Variants in POLR1A observed in about 807,000 individuals in gnomAD.
POLR1A encodes RNA polymerase I subunit A, also known as DNA-directed RNA polymerase I subunit RPA1.
A neutral mutation model predicts 205.3 loss-of-function variants in POLR1A; 84 were observed. The ratio of observed to expected loss-of-function variants is 0.41; its 90% CI spans 0.34 to 0.49. POLR1A has a LOEUF of 0.49. Ranked by LOEUF, POLR1A falls within the 20% of genes least tolerant of loss-of-function variation. The pLI is 0.22. For missense variants in POLR1A, 1,645 were observed against 2,204.5 expected (o/e 0.75, Z 5.08); for synonymous variants, 799 against 863.7 (o/e 0.93, Z 1.31).
chr2:86,100,383 T>C (rs562670697), intron 1 of POLR1A, among the ~76,000 whole-genome samples: 2 of 152,270 alleles, frequency 1.3e-5, no homozygotes, highest in East Asian at 3.9e-4. Context: ...AATGAATAAG[T>C]CATAAAATAC....
At chr2:86,045,479 TCTC>T (rs1309954730) in intron 20 of POLR1A, 119 bp from the exon 21 acceptor site, 16 of 1,257,246 alleles carry the variant, frequency 1.3e-5, no homozygotes, top group Non-Finnish European at 1.7e-5. Flanking sequence ...CCTTCCCTGA[TCTC>T]CTAGGACTTT....
chr2:86,033,549 A>G lies in POLR1A; in HGVS notation c.4161+112T>C. On this transcript the variant is annotated intron_variant, in intron 28 of 33. Transcript: ENST00000263857. ...GCAGGTAAAAGCTGAGATAGGTAGG[A>G]GATGGGCCAGCACCAGGATGGGGCT... The G allele has an allele frequency of 3.3e-6, 4 of 1,194,696 alleles. No individual in the cohort carries two copies. In the East Asian group the frequency reaches 9.7e-5, roughly 29 times the overall value. 74.0% of individuals were successfully genotyped at this position (1,194,696 alleles called of 1,614,324 possible).
chr2:86,068,391 G>GGGGC (rs1673121120), intron 13 of POLR1A, among the ~76,000 whole-genome samples: 2 of 116,386 alleles, frequency 1.7e-5, no homozygotes, highest in African/African-American at 6.6e-5. Flanking sequence ...ATGGGCGGGG[G>GGGGC]GGGGGGGCGG....
At chr2:86,033,610 GTCTGGGGGCTGTCCCTGT>G in intron 28 of POLR1A, 33 bp downstream of exon 28, 1 of 1,595,848 alleles carries the variant, frequency 6.3e-7, no homozygotes, top group Non-Finnish European at 8.6e-7. Flanking sequence ...AGCCTGCCCA[GTCTGGGGGCTGTCCCTGT>G]GCAACTCTAG....
intron 9 of POLR1A, among the ~76,000 whole-genome samples, chr2:86,079,230 C>T (rs891042392): frequency 6.6e-6 from 1 of 152,222 alleles, no homozygotes; most frequent in African/African-American, 2.4e-5. Flanking sequence ...ACATAAAACA[C>T]TCAGGGTCCC....
At chr2:86,064,447 AT>A in intron 14 of POLR1A, among the ~76,000 whole-genome samples, 1 of 152,292 alleles carries the variant, frequency 6.6e-6, no homozygotes, top group Non-Finnish European at 1.5e-5. Context: ...ATATCATGTA[AT>A]TTGGTTACTT....
rs1172297554 is a variant in POLR1A, at chr2:86,039,375, C to T, written c.3828G>A (p.Lys1276=). The T allele has an allele frequency of 1.2e-6, 2 of 1,614,184 alleles. No individual in the cohort carries two copies. The highest frequency in any genetic ancestry group is 8.5e-7 in the Non-Finnish European group (1 of 1,180,028). ...VPVLNTKKAL[K]RVKSLKKQLT... ...GTTGCTTCTTCAGGCTTTTCACTCT[C>T]TTCAGGGCTTTCTTGGTGTTGAGCA... Residue 1276 remains lysine (K), a synonymous_variant, in exon 26 of 34, where the codon AAG becomes AAA. Transcript: ENST00000263857.
chr2:86,104,260 A>T (rs894166839), intron 1 of POLR1A, among the ~76,000 whole-genome samples: 1 of 152,106 alleles, frequency 6.6e-6, no homozygotes, highest in African/African-American at 2.4e-5. Flanking sequence ...ACACAGTAGC[A>T]ATTGGGAGAA....
intron 33 of POLR1A, 102 bp from the exon 34 acceptor site, chr2:86,027,625 G>C: frequency 9.5e-7 from 1 of 1,052,230 alleles, no homozygotes; most frequent in Admixed American, 1.8e-5. Flanking sequence ...GACTCAGGTG[G>C]GTCCTGAGTC....
chr2:86,097,290 T>TG (rs1432403281), intron 3 of POLR1A, among the ~76,000 whole-genome samples: 1 of 143,426 alleles, frequency 7.0e-6, no homozygotes, highest in African/African-American at 2.5e-5. Context: ...TATACACTGT[T>TG]GGTGGGAATG....
At chr2:86,074,806 A>C (rs1307689361) in intron 12 of POLR1A, among the ~76,000 whole-genome samples, 2 of 152,172 alleles carry the variant, frequency 1.3e-5, no homozygotes, top group African/African-American at 4.8e-5. Context: ...GCTGCTGCTG[A>C]TGCTGGTCTG....
intron 6 of POLR1A, among the ~76,000 whole-genome samples, chr2:86,085,252 TG>T (rs768706651): frequency 6.0e-4 from 92 of 152,308 alleles, no homozygotes; most frequent in Non-Finnish European, 9.9e-4. Context: ...TAAGCCACCG[TG>T]CCCGGCCCAT....
chr2:86,040,772 G>A (rs1308640184), intron 24 of POLR1A, among the ~76,000 whole-genome samples: 1 of 152,140 alleles, frequency 6.6e-6, no homozygotes, highest in African/African-American at 2.4e-5. Flanking sequence ...CAGCTGGGTG[G>A]CTGAAGCTCT....
At position 86,041,955 on chromosome 2, in the gene POLR1A, T is replaced by A; in HGVS notation, c.3506A>T (p.Asp1169Val). 2 of 1,614,210 alleles carry A rather than the reference T, an allele frequency of 1.2e-6. No individual in the cohort carries two copies. The highest frequency in any genetic ancestry group is 3.3e-5 in the Admixed American group (2 of 60,028). ...TTGAGCTGCCCACTCTTGACTGTAGTCATCAACCTTTGTTTCAAATGTTTC... is the reference window on the plus strand; with the variant it reads ...TTGAGCTGCCCACTCTTGACTGTAGACATCAACCTTTGTTTCAAATGTTTC... Reference protein sequence around the residue: ...VSETFETKVDDYSQEWAAQTE... With the variant: ...VSETFETKVDVYSQEWAAQTE... Residue 1169 changes from aspartate (D) to valine (V), a missense_variant, in exon 24 of 34, where the codon GAC becomes GTC. Transcript: ENST00000263857.
chr2:86,100,659 G>A (rs775323701), intron 1 of POLR1A, among the ~76,000 whole-genome samples: 8 of 151,332 alleles, frequency 5.3e-5, no homozygotes, highest in Non-Finnish European at 8.8e-5. Context: ...TCAGCCTCCC[G>A]AGTAGCTGGG....
intron 24 of POLR1A, 56 bp downstream of exon 24, chr2:86,041,833 A>T: frequency 6.9e-7 from 1 of 1,454,408 alleles, no homozygotes; most frequent in African/African-American, 1.4e-5. Flanking sequence ...GCTAGGAGGC[A>T]GGGGCTAGGA....
At chr2:86,100,219 C>G (rs1466776203) in intron 1 of POLR1A, 47 bp from the exon 2 acceptor site, 1 of 1,410,226 alleles carries the variant, frequency 7.1e-7, no homozygotes, top group African/African-American at 1.4e-5. Context: ...TTACCAACCT[C>G]TCTGATGTTT....
At chr2:86,086,144 C>G (rs1024598928) in intron 6 of POLR1A, among the ~76,000 whole-genome samples, 6 of 152,096 alleles carry the variant, frequency 3.9e-5, no homozygotes, top group African/African-American at 1.4e-4. Context: ...CTGCAACCTC[C>G]GCCTCCTGGG....
At chr2:86,075,379 G>A in intron 11 of POLR1A, 119 bp from the exon 12 acceptor site, 1 of 707,748 alleles carries the variant, frequency 1.4e-6, no homozygotes, top group African/African-American at 1.8e-5. Flanking sequence ...TGTTTGACTT[G>A]GCCAAGAAGG....
Sources: gnomAD v4.1 joint callset for allele counts (sites outside exome capture counted in the v4.1 genomes callset) on GRCh38, gnomAD v4.1.1 for gene constraint, MANE v1.5 for transcripts, NCBI Gene and HGNC (gene_info 2026-07-23, HGNC 2026-07-21) for gene names.